Variants in TPTE2 observed in about 807,000 individuals in gnomAD.
TPTE2 encodes the protein transmembrane phosphoinositide 3-phosphatase and tensin homolog 2, also known as phosphatidylinositol 3,4,5-trisphosphate 3-phosphatase TPTE2.
TPTE2 carries 53 observed loss-of-function variants against 78.6 expected under a neutral mutation model. That is an observed-to-expected ratio of 0.67 (90% confidence interval 0.54 to 0.85). The LOEUF is 0.85. Among genes scored for constraint, TPTE2 ranks in the 40% least tolerant of loss-of-function variants. TPTE2 has a pLI of 0.00. For synonymous variants in TPTE2, 175 were observed against 206.2 expected (o/e 0.85, Z 1.30); for missense variants, 461 against 623.0 (o/e 0.74, Z 2.77).
intron 10 of TPTE2, among the ~76,000 whole-genome samples, chr13:19,460,983 T>C (rs1878853571): frequency 6.6e-6 from 1 of 152,156 alleles, no homozygotes; most frequent in Admixed American, 6.5e-5. Context: ...TATCAAAAAC[T>C]GCCACAATTC....
In TPTE2 at chr13:19,480,618, G is replaced by A. The variant is rs529329524; in HGVS notation, c.179+1870C>T. Reference sequence around the variant, plus strand: ...GCTTATATTACATAAAATAGAAAAAGGATCAATAGATTTAACTTTTCAGTC... The same window carrying A: ...GCTTATATTACATAAAATAGAAAAAAGATCAATAGATTTAACTTTTCAGTC... On this transcript the variant is annotated intron_variant, in intron 4 of 19. Transcript: ENST00000400230. Among the ~76,000 whole-genome samples the A allele has an allele frequency of 2.0e-5, 3 of 152,122 alleles. No individual in the cohort carries two copies. The East Asian group carries it at 5.8e-4, about 29-fold the overall frequency.
At chr13:19,504,657 A>G (rs1868871804), upstream of TPTE2, among the ~76,000 whole-genome samples, 6 of 152,250 alleles carry the variant, frequency 3.9e-5, 2 homozygotes, top group South Asian at 1.3e-3. Context: ...AATAACAAGA[A>G]GTTTCCCTTT....
chr13:19,422,924 T>C (rs1875707199), exon 20 of TPTE2: 1 of 891,632 alleles, frequency 1.1e-6, no homozygotes, highest in South Asian at 2.0e-5. Flanking sequence ...TATATAAACA[T>C]ATATAAATAT....
At chr13:19,489,925 T>C (rs532924527) in intron 3 of TPTE2, among the ~76,000 whole-genome samples, 1 of 152,224 alleles carries the variant, frequency 6.6e-6, no homozygotes, top group African/African-American at 2.4e-5. Context: ...ATTAAAAATG[T>C]ACACATCAGG....
At chr13:19,441,448 A>G (rs992850871) in intron 13 of TPTE2, among the ~76,000 whole-genome samples, 52 of 151,884 alleles carry the variant, frequency 3.4e-4, no homozygotes, top group Non-Finnish European at 4.4e-4. Context: ...CTCAAAAAGA[A>G]AAAAAAGTAT....
intron 1 of TPTE2, among the ~76,000 whole-genome samples, chr13:19,499,426 G>T (rs1480227249): frequency 2.0e-5 from 3 of 148,762 alleles, no homozygotes; most frequent in African/African-American, 7.5e-5. Context: ...AAATGTAAAA[G>T]AACAGAAATT....
intron 10 of TPTE2, among the ~76,000 whole-genome samples, chr13:19,460,868 A>T (rs1878846720): frequency 6.6e-6 from 1 of 152,298 alleles, no homozygotes; most frequent in South Asian, 2.1e-4. Flanking sequence ...TAATTTAGTC[A>T]TCCACAGAGC....
At chr13:19,530,804 T>C (rs1201452544) in intron 1 of TPTE2, among the ~76,000 whole-genome samples, 2 of 152,122 alleles carry the variant, frequency 1.3e-5, no homozygotes, top group Admixed American at 1.3e-4. Flanking sequence ...GGATTACAGA[T>C]GTAGGCCACC....
intron 4 of TPTE2, among the ~76,000 whole-genome samples, chr13:19,480,496 T>C (rs1880279655): frequency 1.3e-5 from 2 of 152,040 alleles, no homozygotes; most frequent in African/African-American, 2.4e-5. Context: ...GAGAATAACA[T>C]TAAAGGCAAA....
rs749878795 is a variant in TPTE2 at position 19,475,570 on chromosome 13, T to A, written c.230+3A>T. 2.1e-4 allele frequency: 333 copies of A among 1,607,762 alleles called. No individual in the cohort carries two copies. The highest frequency in any genetic ancestry group is 2.8e-4 in the Non-Finnish European group (324 of 1,177,848). ...TACATGGTGTTTTCTATGTCTCACATACCCAAATGCAAAGGATGATACAAT... is the reference window on the plus strand; with the variant it reads ...TACATGGTGTTTTCTATGTCTCACAAACCCAAATGCAAAGGATGATACAAT... On this transcript the variant is annotated splice_donor_region_variant and intron_variant, in intron 5 of 19. Transcript: ENST00000400230.
Position 19,486,978 on chromosome 13 carries a change from A to G in TPTE2, c.120-4431T>C, listed in dbSNP as rs1880699645. On this transcript the variant is annotated intron_variant, in intron 3 of 19. Transcript: ENST00000400230. This position sits in a 1 kb window ranked among gnomAD's most constrained non-coding sequence, Gnocchi z 4.3. ...GGGGCATGTCTTCTGGAAGTAGCCC[A>G]TGGAGCTCTTTCTTAGGTCCAGGAC... 6.6e-6 allele frequency among the ~76,000 whole-genome samples: 1 copy of G among 152,162 alleles called. No individual in the cohort carries two copies. The highest frequency in any genetic ancestry group is 2.4e-5 in the African/African-American group (1 of 41,446).
intron 9 of TPTE2, 96 bp from the exon 13 acceptor site, chr13:19,464,616 GA>G (rs530741541): frequency 4.3e-5 from 58 of 1,356,864 alleles, no homozygotes; most frequent in African/African-American, 3.1e-4. Flanking sequence ...CATTTTCACA[GA>G]AAAAAAACTT....
At chr13:19,461,933 C>CT (rs60926599) in intron 10 of TPTE2, among the ~76,000 whole-genome samples, 109,621 of 134,360 alleles carry the variant, frequency 0.82, 45,346 homozygotes, top group Non-Finnish European at 0.9. Flanking sequence ...ACAGTTGGGT[C>CT]TTTTTTTTTT....
At chr13:19,537,876 A>C (rs1457791086), upstream of TPTE2, among the ~76,000 whole-genome samples, 4 of 152,180 alleles carry the variant, frequency 2.6e-5, no homozygotes, top group African/African-American at 7.2e-5. Flanking sequence ...AAGTGCTGGG[A>C]TTACAGGTGT....
intron 17 of TPTE2, among the ~76,000 whole-genome samples, chr13:19,427,342 C>T (rs1270298192): frequency 6.6e-6 from 1 of 151,864 alleles, no homozygotes; most frequent in African/African-American, 2.4e-5. Context: ...CCTGGCCTCC[C>T]GAAGTGCTGG....
chr13:19,485,081 G>A (rs1391908619), intron 3 of TPTE2, among the ~76,000 whole-genome samples: 2 of 152,076 alleles, frequency 1.3e-5, no homozygotes, highest in African/African-American at 2.4e-5. Flanking sequence ...TTGAAGTTGG[G>A]TAGTTTTCTA....
chr13:19,512,703 C>T (rs1454246921), intron 1 of TPTE2, among the ~76,000 whole-genome samples: 2 of 152,046 alleles, frequency 1.3e-5, no homozygotes, highest in Non-Finnish European at 2.9e-5. Flanking sequence ...CTCAGCCTCC[C>T]GAGTAGCTGG....
chr13:19,471,461 G>C (rs889887370), intron 6 of TPTE2, among the ~76,000 whole-genome samples: 1 of 151,726 alleles, frequency 6.6e-6, no homozygotes, highest in Non-Finnish European at 1.5e-5. Flanking sequence ...TTTGGTTTGA[G>C]GTTACCATGA....
intron 3 of TPTE2, among the ~76,000 whole-genome samples, chr13:19,487,589 G>A (rs1220151477): frequency 6.6e-6 from 1 of 152,104 alleles, no homozygotes; most frequent in African/African-American, 2.4e-5. Context: ...AAGTGTGGTG[G>A]TGGGGGTTGA....
Sources: gnomAD v4.1 joint callset for allele counts (sites outside exome capture counted in the v4.1 genomes callset) on GRCh38, gnomAD v4.1.1 for gene constraint, Gnocchi (gnomAD v3.1) non-coding constraint, MANE v1.5 for transcripts, NCBI Gene and HGNC (gene_info 2026-07-23, HGNC 2026-07-21) for gene names.